The following ADAMTS18 variants were observed in gnomAD, a reference collection of about 807,000 sequenced individuals.
ADAMTS18 encodes the protein ADAM metallopeptidase with thrombospondin type 1 motif 18.
Under a neutral mutation model 165.9 loss-of-function variants are expected in ADAMTS18, and 157 were observed. That is an observed-to-expected ratio of 0.95 (90% CI 0.83 to 1.08). ADAMTS18 has a LOEUF of 1.08. Ranked by LOEUF, ADAMTS18 falls within the 50% of genes least tolerant of loss-of-function variation. ADAMTS18 has a pLI of 0.00. For missense variants in ADAMTS18, 2,040 were observed against 1,534.0 expected (o/e 1.33, Z -5.51); for synonymous variants, 782 against 578.2 (o/e 1.35, Z -5.06).
intron 16 of ADAMTS18, among the ~76,000 whole-genome samples, chr16:77,303,234 G>C (rs1421442417): frequency 6.6e-6 from 1 of 152,146 alleles, no homozygotes; most frequent in East Asian, 1.9e-4. Flanking sequence ...TGTGGTTGAA[G>C]TCAAAAGCCT....
chr16:77,347,695 G>A (rs1004457465), intron 10 of ADAMTS18, among the ~76,000 whole-genome samples: 1 of 151,986 alleles, frequency 6.6e-6, no homozygotes, highest in Non-Finnish European at 1.5e-5. Context: ...GTCTCCTTCT[G>A]TGATATATTA....
At position 77,326,029 on chromosome 16, in the gene ADAMTS18, A is replaced by G. The variant is rs377438937; in HGVS notation, c.1869T>C (p.Tyr623=). 1.7e-5 allele frequency: 27 copies of G among 1,613,728 alleles called. No individual in the cohort carries two copies. Among genetic ancestry groups the G allele is most frequent in the Admixed American group, 3.3e-5 (2 of 59,980 alleles). The change falls in exon 13 of 23, where the codon TAT becomes TAC. Residue 623 remains tyrosine, a synonymous_variant. Coordinates refer to ENST00000282849, the MANE Select transcript of ADAMTS18 (RefSeq NM_199355.4). ...TAGAACCTGGACAGAATAAGCCACC[A>G]TACTGAGGCCTGAAAATGAAATTAA... ...ERHCNNPKPQ[Y]GGLFCPGSSR...
At chr16:77,393,336 G>A (rs1426665760) in intron 3 of ADAMTS18, among the ~76,000 whole-genome samples, 1 of 152,174 alleles carries the variant, frequency 6.6e-6, no homozygotes, top group African/African-American at 2.4e-5. Flanking sequence ...ATCCAATAGG[G>A]AAGCAGGCTG....
intron 17 of ADAMTS18, among the ~76,000 whole-genome samples, chr16:77,299,450 G>T (rs758896516): frequency 6.6e-6 from 1 of 152,078 alleles, no homozygotes; most frequent in Non-Finnish European, 1.5e-5. Flanking sequence ...TCAGACATAA[G>T]AATTTCTTCA....
At chr16:77,334,011 C>A (rs1160609148) in intron 12 of ADAMTS18, among the ~76,000 whole-genome samples, 81 of 136,700 alleles carry the variant, frequency 5.9e-4, no homozygotes, top group African/African-American at 2.1e-3. Context: ...GCAATATATG[C>A]TATATATAAT....
intron 2 of ADAMTS18, 64 bp from the exon 3 acceptor site, chr16:77,431,675 G>A (rs547539235): frequency 1.3e-6 from 2 of 1,544,756 alleles, no homozygotes; most frequent in African/African-American, 2.7e-5. Flanking sequence ...TCTCTTTCCA[G>A]CAAGCTGGCA....
At chr16:77,403,384 C>T (rs558509385) in intron 3 of ADAMTS18, among the ~76,000 whole-genome samples, 12 of 152,222 alleles carry the variant, frequency 7.9e-5, no homozygotes, top group South Asian at 4.2e-4. Context: ...CTCAATGTCA[C>T]AACAATTTTA....
chr16:77,431,664 G>A, intron 2 of ADAMTS18, 53 bp from the exon 3 acceptor site: 2 of 1,589,536 alleles, frequency 1.3e-6, no homozygotes, highest in South Asian at 1.1e-5. Context: ...ATTCCAAATG[G>A]TCTCTTTCCA....
chr16:77,417,470 T>C (rs1214557152), intron 3 of ADAMTS18, among the ~76,000 whole-genome samples: 2 of 152,348 alleles, frequency 1.3e-5, no homozygotes, highest in African/African-American at 4.8e-5. Flanking sequence ...ATTATATAAA[T>C]GCCAGTGTAC....
chr16:77,301,250 C>A (rs780920000), intron 16 of ADAMTS18, among the ~76,000 whole-genome samples: 4 of 150,436 alleles, frequency 2.7e-5, no homozygotes, highest in African/African-American at 9.8e-5. Flanking sequence ...TCTAACAACT[C>A]TATAATGTAG....
rs368859239 is a variant in ADAMTS18 at position 77,367,600 on chromosome 16, C to T, written c.619G>A (p.Ala207Thr). 65 of 1,614,130 alleles carry T rather than the reference C, an allele frequency of 4.0e-5. No homozygotes were observed. The highest frequency in any genetic ancestry group is 4.7e-5 in the Non-Finnish European group (55 of 1,180,042). ...HHPHVLYKRTAEEKIQRYRGY... is the reference protein window; with the variant it reads ...HHPHVLYKRTTEEKIQRYRGY... ...CGGTACCGCTGGATCTTCTCCTCTG[C>T]TGTCCTTTTGTACAGTACGTGAGGA... Residue 207 changes from alanine to threonine, a missense_variant, in exon 4 of 23, where the codon GCA (alanine) becomes ACA (threonine). Transcript: ENST00000282849.
chr16:77,334,745 A>ACTGTATACTATAGTATATATG (rs1478267762), intron 12 of ADAMTS18, among the ~76,000 whole-genome samples: 1 of 115,188 alleles, frequency 8.7e-6, no homozygotes, highest in African/African-American at 3.4e-5. Context: ...TAGTATATAT[A>ACTGTATACTATAGTATATATG]CTGTATACTA....
chr16:77,424,905 G>T (rs1468687126), intron 3 of ADAMTS18, among the ~76,000 whole-genome samples: 1 of 152,148 alleles, frequency 6.6e-6, no homozygotes, highest in Non-Finnish European at 1.5e-5. Flanking sequence ...GCCCTCCAAA[G>T]CAGCTGAGCC....
At chr16:77,408,753 G>A (rs2144823492) in intron 3 of ADAMTS18, among the ~76,000 whole-genome samples, 1 of 152,252 alleles carries the variant, frequency 6.6e-6, no homozygotes, top group African/African-American at 2.4e-5. Flanking sequence ...CAATGATGGT[G>A]ACATGATATA....
intron 3 of ADAMTS18, among the ~76,000 whole-genome samples, chr16:77,383,243 A>C (rs2144774968): frequency 6.6e-6 from 1 of 152,164 alleles, no homozygotes; most frequent in Admixed American, 6.5e-5. Context: ...ATCGCTTTTA[A>C]CGGGTCATTC....
chr16:77,404,529 G>A (rs1221275608), intron 3 of ADAMTS18, among the ~76,000 whole-genome samples: 1 of 152,164 alleles, frequency 6.6e-6, no homozygotes, highest in Admixed American at 6.5e-5. Flanking sequence ...GGGGCTAAAT[G>A]TCATCTAAGA....
At chr16:77,330,085 A>G (rs2056163169) in intron 12 of ADAMTS18, among the ~76,000 whole-genome samples, 1 of 152,188 alleles carries the variant, frequency 6.6e-6, no homozygotes, top group East Asian at 1.9e-4. Context: ...TTCAGAAATC[A>G]GTATTTTTAA....
chr16:77,291,379 G>C lies in ADAMTS18; in HGVS notation c.3289C>G (p.Arg1097Gly). ...TCCAGATTTGGTTTCTTAATATTACGGCATCTTCGCTCTGGGAAAGTTATC... is the reference window on the plus strand; with the variant it reads ...TCCAGATTTGGTTTCTTAATATTACCGCATCTTCGCTCTGGGAAAGTTATC... Reference protein sequence around the residue: ...KLITFPERRCRNIKKPNLDLE... With the variant: ...KLITFPERRCGNIKKPNLDLE... Residue 1097 changes from arginine to glycine, a missense_variant, in exon 21 of 23, where the codon CGT becomes GGT. Physicochemically the swap from Arg to Gly is moderately radical, Grantham distance 125 (BLOSUM62 -2). Coordinates refer to ENST00000282849, the MANE Select transcript of ADAMTS18 (RefSeq NM_199355.4). 6.2e-7 allele frequency: 1 copy of C among 1,614,018 alleles called. No individual in the cohort carries two copies. The highest frequency in any genetic ancestry group is 8.5e-7 in the Non-Finnish European group (1 of 1,179,978).
chr16:77,375,820 C>G (rs931194322), intron 3 of ADAMTS18, among the ~76,000 whole-genome samples: 2 of 151,864 alleles, frequency 1.3e-5, no homozygotes, highest in Admixed American at 1.3e-4. Flanking sequence ...GACTGGAAGC[C>G]TCAGGAAACT....
Sources: allele counts gnomAD v4.1 joint callset (sites outside exome capture counted in the v4.1 genomes callset), GRCh38; gene constraint gnomAD v4.1.1; transcripts MANE v1.5; gene names NCBI Gene and HGNC (gene_info 2026-07-23, HGNC 2026-07-21).